The following CRMP1 variants were observed in gnomAD, a reference collection of about 807,000 sequenced individuals.
CRMP1 encodes collapsin response mediator protein 1.
In CRMP1, 19 loss-of-function variants were observed where a neutral mutation model predicts 68.3. The observed-to-expected ratio is 0.28, with a 90% CI of 0.19 to 0.41. CRMP1 has a LOEUF of 0.41. CRMP1 is among the 10% of genes least tolerant of loss of function. The probability of loss-of-function intolerance (pLI) is 1.00; values close to 1 mark genes in which losing one functional copy is unlikely to be tolerated. For synonymous variants in CRMP1, 439 were observed against 399.6 expected (o/e 1.10, Z -1.18); for missense variants, 791 against 967.4 (o/e 0.82, Z 2.42).
At chr4:5,829,483 T>G (rs1239676484) in intron 11 of CRMP1, among the ~76,000 whole-genome samples, 3 of 152,232 alleles carry the variant, frequency 2.0e-5, no homozygotes, top group Non-Finnish European at 4.4e-5. Context: ...CCAACTGCTT[T>G]TTATTATTTT....
rs1214041337 is a variant in CRMP1, at chr4:5,821,913, T to C, written c.1970-62A>G. 2 of 1,453,268 alleles carry C rather than the reference T, an allele frequency of 1.4e-6. No homozygotes were observed. The highest frequency in any genetic ancestry group is 2.4e-5 in the East Asian group (1 of 41,778). The allele number at this position is 1,453,268 out of a possible 1,614,324, so 90.0% of individuals were successfully genotyped here. On this transcript the variant is annotated intron_variant, in intron 13 of 13. Coordinates refer to ENST00000324989, the MANE Select transcript of CRMP1 (RefSeq NM_001014809.3). The surrounding 1 kb of genome is among the most constrained non-coding windows in gnomAD (Gnocchi z 4.4). Reference sequence around the variant, plus strand: ...GTTAGCATCAGTTCCACGCTGCTCCTGGAGGCCATGTACTCTGCCATGCAC... The same window carrying C: ...GTTAGCATCAGTTCCACGCTGCTCCCGGAGGCCATGTACTCTGCCATGCAC...
chr4:5,823,831 A>G (rs1719086670), intron 13 of CRMP1, among the ~76,000 whole-genome samples: 2 of 152,228 alleles, frequency 1.3e-5, no homozygotes, highest in Admixed American at 6.5e-5. Flanking sequence ...GTAATCCTTT[A>G]TAGCAATGTA....
chr4:5,839,387 C>T (rs981084498), intron 9 of CRMP1, 135 bp downstream of exon 9: 13 of 1,092,240 alleles, frequency 1.2e-5, no homozygotes, highest in African/African-American at 3.2e-5. Flanking sequence ...CATATGAGCG[C>T]AGTCCTTGCA....
chr4:5,867,237 T>C (rs574081054), intron 1 of CRMP1, among the ~76,000 whole-genome samples: 37 of 152,200 alleles, frequency 2.4e-4, no homozygotes, highest in Non-Finnish European at 4.1e-4. Context: ...GATGGTCTCA[T>C]AGACGTCTTT....
rs116885232 is a variant in CRMP1 at position 5,834,165 on chromosome 4, C to A, written c.1623+1750G>T. The stretch of plus-strand genomic sequence containing the variant: ...CACGTTCCTTTCTAGATAAGGATCA[C>A]CTTGTGAAGCAAGGGGCAGCTCCCA... On this transcript the variant is annotated intron_variant, in intron 11 of 13. Coordinates refer to ENST00000324989, the MANE Select transcript of CRMP1 (RefSeq NM_001014809.3). This position sits in a 1 kb window ranked among gnomAD's most constrained non-coding sequence, Gnocchi z 4.3. Among the ~76,000 whole-genome samples the A allele has an allele frequency of 3.1e-4, 47 of 152,320 alleles. No homozygotes were observed. Among genetic ancestry groups the A allele is most frequent in the East Asian group, 2.9e-3 (15 of 5,176 alleles).
At chr4:5,840,386 C>G (rs1711630175) in intron 8 of CRMP1, among the ~76,000 whole-genome samples, 1 of 152,230 alleles carries the variant, frequency 6.6e-6, no homozygotes, top group Admixed American at 6.5e-5. Context: ...CAGGAAAGAT[C>G]TTTGCATTAG....
At position 5,861,537 on chromosome 4, in the gene CRMP1, C is replaced by T. The variant is rs1329185714; in HGVS notation, c.471-327G>A. Reference sequence around the variant, plus strand: ...CTGAATCCAACAGAAGTGAGCCCAGCATGATGCATGTGCTGACCGTCATGT... The same window carrying T: ...CTGAATCCAACAGAAGTGAGCCCAGTATGATGCATGTGCTGACCGTCATGT... On this transcript the variant is annotated intron_variant, in intron 2 of 13. Coordinates refer to ENST00000324989, the MANE Select transcript of CRMP1 (RefSeq NM_001014809.3). This position sits in a 1 kb window ranked among gnomAD's most constrained non-coding sequence, Gnocchi z 6.0. Among the ~76,000 whole-genome samples the T allele has an allele frequency of 3.9e-5, 6 of 152,168 alleles. No individual in the cohort carries two copies. The highest frequency in any genetic ancestry group is 8.8e-5 in the Non-Finnish European group (6 of 68,042).
Position 5,890,327 on chromosome 4 carries a change from G to C in CRMP1, c.381+2262C>G, listed in dbSNP as rs991045493. Reference sequence around the variant, plus strand: ...TCGCTGCTCCCAAGCAGATTTCGCCGGTACAAAGCGCCGCAGCCGCTCAGC... The same window carrying C: ...TCGCTGCTCCCAAGCAGATTTCGCCCGTACAAAGCGCCGCAGCCGCTCAGC... On this transcript the variant is annotated intron_variant, in intron 1 of 13. Coordinates refer to ENST00000324989, the MANE Select transcript of CRMP1 (RefSeq NM_001014809.3). The surrounding 1 kb of genome is among the most constrained non-coding windows in gnomAD (Gnocchi z 5.5). 1 of 152,398 alleles carries C rather than the reference G, an allele frequency of 6.6e-6. No homozygotes were observed. Among genetic ancestry groups the C allele is most frequent in the Non-Finnish European group, 1.5e-5 (1 of 68,168 alleles). 9.4% of individuals were successfully genotyped at this position (152,398 alleles called of 1,614,324 possible).
chr4:5,887,827 C>T lies in CRMP1; in HGVS notation c.381+4762G>A, dbSNP rs1460045911. 13 of 997,148 alleles carry T rather than the reference C, an allele frequency of 1.3e-5. No individual in the cohort carries two copies. In the East Asian group the frequency reaches 7.3e-4, roughly 56 times the overall value. The allele number at this position is 997,148 out of a possible 1,614,324, so 61.8% of individuals were successfully genotyped here. On this transcript the variant is annotated intron_variant, in intron 1 of 13. Coordinates refer to ENST00000324989, the MANE Select transcript of CRMP1 (RefSeq NM_001014809.3). The stretch of plus-strand genomic sequence containing the variant: ...TGTGGGGTGCATGGGCCGGACGGTG[C>T]GGGGGCCGAGCCAAGGAGGCTCAGC...
rs1714552867 is a variant in CRMP1, at chr4:5,872,824, G to C, written c.382-6068C>G. 6.6e-6 allele frequency among the ~76,000 whole-genome samples: 1 copy of C among 152,214 alleles called. No homozygotes were observed. The highest frequency in any genetic ancestry group is 2.4e-5 in the African/African-American group (1 of 41,448). The stretch of plus-strand genomic sequence containing the variant: ...TCCACAGCGACAGCAATGACCTTTA[G>C]AGCAAATCATGTTCTTGTGTCAGCA... On this transcript the variant is annotated intron_variant, in intron 1 of 13. Transcript: ENST00000324989. This position sits in a 1 kb window ranked among gnomAD's most constrained non-coding sequence, Gnocchi z 4.6.
At chr4:5,851,564 C>T (rs916553507) in intron 4 of CRMP1, 95 bp from the exon 5 acceptor site, 19 of 1,246,750 alleles carry the variant, frequency 1.5e-5, no homozygotes, top group African/African-American at 1.3e-4. Flanking sequence ...GAGTGGTAGT[C>T]GCCAGGAGAG....
Position 5,843,617 on chromosome 4 carries a change from T to C in CRMP1, c.964-456A>G, listed in dbSNP as rs1711956007. 6.6e-6 allele frequency among the ~76,000 whole-genome samples: 1 copy of C among 152,198 alleles called. No homozygotes were observed. The highest frequency in any genetic ancestry group is 2.1e-4 in the South Asian group (1 of 4,822). On this transcript the variant is annotated intron_variant, in intron 6 of 13. Transcript: ENST00000324989. The surrounding 1 kb of genome is among the most constrained non-coding windows in gnomAD (Gnocchi z 4.1). Reference sequence around the variant, plus strand: ...GGAGTCCAGATCCAGAACAGCCGTCTCTGTGACTTTGGGCAGGTTGGTCAA... The same window carrying C: ...GGAGTCCAGATCCAGAACAGCCGTCCCTGTGACTTTGGGCAGGTTGGTCAA...
In CRMP1 at chr4:5,866,363, C is replaced by G. The variant is rs1269454074; in HGVS notation, c.470+305G>C. ...GGGGCCAGGTACCCAGACTCATTGG[C>G]CTGCCGCCTCCAAAACCACAAAACA... On this transcript the variant is annotated intron_variant, in intron 2 of 13. Transcript: ENST00000324989. The surrounding 1 kb of genome is among the most constrained non-coding windows in gnomAD (Gnocchi z 5.9). 1.3e-5 allele frequency among the ~76,000 whole-genome samples: 2 copies of G among 152,218 alleles called. No individual in the cohort carries two copies. Among genetic ancestry groups the G allele is most frequent in the Non-Finnish European group, 2.9e-5 (2 of 68,042 alleles).
At chr4:5,869,478 C>G (rs1006278590) in intron 1 of CRMP1, among the ~76,000 whole-genome samples, 3 of 151,306 alleles carry the variant, frequency 2.0e-5, no homozygotes, top group Non-Finnish European at 4.4e-5. Context: ...GTCAGGAGAT[C>G]GAGACCATCC....
intron 2 of CRMP1, among the ~76,000 whole-genome samples, chr4:5,863,419 T>C (rs1373439703): frequency 1.3e-5 from 2 of 152,144 alleles, no homozygotes; most frequent in African/African-American, 4.8e-5. Context: ...AAGCCTAATA[T>C]CAGAGCTCTG....
intron 13 of CRMP1, among the ~76,000 whole-genome samples, chr4:5,823,452 A>G (rs1305234336): frequency 6.6e-6 from 1 of 152,176 alleles, no homozygotes; most frequent in East Asian, 1.9e-4. Flanking sequence ...GGAAAAAAGG[A>G]CACTAATATG....
chr4:5,828,414 C>T, intron 12 of CRMP1, 75 bp downstream of exon 12: 1 of 1,553,316 alleles, frequency 6.4e-7, no homozygotes, highest in South Asian at 1.2e-5. Context: ...CTGCACACGT[C>T]AGATCTCGAT....
intron 1 of CRMP1, among the ~76,000 whole-genome samples, chr4:5,869,465 G>A (rs1026299319): frequency 2.0e-5 from 3 of 151,612 alleles, no homozygotes; most frequent in East Asian, 1.9e-4. Context: ...GGTGGATCAC[G>A]AGGTCAGGAG....
chr4:5,858,409 A>C lies in CRMP1; in HGVS notation c.656-2102T>G, dbSNP rs1250524011. 2.7e-5 allele frequency among the ~76,000 whole-genome samples: 4 copies of C among 150,276 alleles called. No homozygotes were observed. The highest frequency in any genetic ancestry group is 2.0e-4 in the East Asian group (1 of 5,068). On this transcript the variant is annotated intron_variant, in intron 3 of 13. Coordinates refer to ENST00000324989, the MANE Select transcript of CRMP1 (RefSeq NM_001014809.3). The surrounding 1 kb of genome is among the most constrained non-coding windows in gnomAD (Gnocchi z 5.5). ...CAAAACCTCATGCAATACTCTCCCC[A>C]CCCCGACCCCAGCTGTGGTGGACAT...
Sources: allele counts gnomAD v4.1 joint callset (sites outside exome capture counted in the v4.1 genomes callset), GRCh38; gene constraint gnomAD v4.1.1; non-coding constraint Gnocchi (gnomAD v3.1); transcripts MANE v1.5; gene names NCBI Gene and HGNC (gene_info 2026-07-23, HGNC 2026-07-21).